PCNT: variants seen among roughly 807,000 people sequenced by gnomAD.
The protein encoded by PCNT is pericentrin.
A neutral mutation model predicts 380.4 loss-of-function variants in PCNT; 319 were observed. The observed-to-expected ratio is 0.84, with a 90% CI of 0.77 to 0.92. PCNT has a LOEUF of 0.92. Ranked by LOEUF, PCNT falls within the 40% of genes least tolerant of loss-of-function variation. PCNT has a pLI of 0.00. For missense variants in PCNT, 4,400 were observed against 4,255.3 expected, an observed-to-expected ratio of 1.03 and a Z score of -0.95; for synonymous variants, 1,845 against 1,735.2, an observed-to-expected ratio of 1.06 and a Z score of -1.57.
chr21:46,442,968 C>G (rs2053650834), intron 44 of PCNT: 1 of 315,056 alleles, frequency 3.2e-6, no homozygotes, highest in African/African-American at 2.2e-5. Flanking sequence ...TCTGCCGAGC[C>G]ATTGCCCCCT....
intron 42 of PCNT, 112 bp downstream of exon 42, chr21:46,440,314 A>G (rs1569311429): frequency 1.8e-6 from 2 of 1,127,420 alleles, no homozygotes; most frequent in African/African-American, 1.5e-5. Context: ...CGGGTGTAGC[A>G]GTCACATCAC....
chr21:46,325,507 G>A (rs1217279907), intron 1 of PCNT, among the ~76,000 whole-genome samples: 1 of 152,218 alleles, frequency 6.6e-6, no homozygotes, highest in Non-Finnish European at 1.5e-5. Flanking sequence ...TAAACGACAT[G>A]AGGTTGACTT....
Position 46,437,079 on chromosome 21 carries a change from C to T in PCNT, c.9097C>T (p.Gln3033Ter). 6.2e-7 allele frequency: 1 copy of T among 1,612,030 alleles called. No individual in the cohort carries two copies. Among genetic ancestry groups the T allele is most frequent in the Non-Finnish European group, 8.5e-7 (1 of 1,178,362 alleles). Residue 3033 changes from glutamine (Q) to a stop codon, truncating the protein, a stop_gained and splice_region_variant, in exon 40 of 47, where the codon CAG becomes TAG. Coordinates refer to ENST00000359568, the MANE Select transcript of PCNT (RefSeq NM_006031.6). LOFTEE classifies it high-confidence loss of function. ...TGACTTGAGCAGGCCCACCTCCTCCCAGGTAAGGGGTGAGCGCCCCCAGGT... is the reference window on the plus strand; with the variant it reads ...TGACTTGAGCAGGCCCACCTCCTCCTAGGTAAGGGGTGAGCGCCCCCAGGT... ...KSDLSRPTSS[Q>*]KKMAAELQFQ...
rs780350802 is a variant in PCNT, at chr21:46,412,014, G to A, written c.5941G>A (p.Asp1981Asn). ...TGGCGCCAAGGCCCAGGTCACCGGC[G>A]ACGTGGAGGCCTCCCATGATGCTGC... ...DGGAKAQVTG[D>N]VEASHDAALE... The change falls in exon 28 of 47, where the codon GAC (aspartate) becomes AAC (asparagine). Residue 1981 changes from aspartate to asparagine, a missense_variant. Physicochemically the swap from Asp to Asn is conservative, Grantham distance 23. Transcript: ENST00000359568. 7.5e-6 allele frequency: 12 copies of A among 1,607,574 alleles called. No individual in the cohort carries two copies. Among genetic ancestry groups the A allele is most frequent in the Admixed American group, 1.7e-5 (1 of 59,990 alleles).
At position 46,351,451 on chromosome 21, in the gene PCNT, A is replaced by G. The variant is rs373400283; in HGVS notation, c.1367A>G (p.Tyr456Cys). The change falls in exon 9 of 47, where the codon TAT becomes TGT. Residue 456 changes from tyrosine to cysteine, a missense_variant. Coordinates refer to ENST00000359568, the MANE Select transcript of PCNT (RefSeq NM_006031.6). ...QLELENLQAS[Y>C]EDLKAQSQEE... ...CAGTTAGAGAATCTTCAAGCATCAT[A>G]TGAAGACCTGAAGGCACAATCACAA... is the stretch of plus-strand genomic sequence containing the variant. The G allele has an allele frequency of 1.1e-5, 17 of 1,608,804 alleles. No individual in the cohort carries two copies. Among genetic ancestry groups the G allele is most frequent in the Non-Finnish European group, 1.4e-5 (16 of 1,175,290 alleles).
rs755059435 is a variant in PCNT, at chr21:46,326,551, G to T, written c.229G>T (p.Asp77Tyr). ...GDICKSTSCD[D>Y]TPDGAGGAFA... ...CATTTGCAAAAGCACATCATGTGAC[G>T]ACACCCCTGATGGGGCAGGAGGGGC... The change falls in exon 2 of 47, where the codon GAC becomes TAC. Residue 77 changes from aspartate (D) to tyrosine (Y), a missense_variant. Coordinates refer to ENST00000359568, the MANE Select transcript of PCNT (RefSeq NM_006031.6). The T allele has an allele frequency of 3.7e-6, 6 of 1,613,998 alleles. No individual in the cohort carries two copies. The highest frequency in any genetic ancestry group is 5.1e-6 in the Non-Finnish European group (6 of 1,180,006).
intron 12 of PCNT, among the ~76,000 whole-genome samples, chr21:46,355,861 G>A (rs1320686153): frequency 6.6e-6 from 1 of 152,194 alleles, no homozygotes; most frequent in Non-Finnish European, 1.5e-5. Flanking sequence ...CAGCAGGGCA[G>A]GTCTGACCTG....
rs181160389 is a variant in PCNT at position 46,369,383 on chromosome 21, C to T, written c.3165+2244C>T. ...GCCACTGCTCCCAGCTTGGGAGGTG[C>T]CTCTTGAGAGAAGCTGGAGCCATGT... On this transcript the variant is annotated intron_variant, in intron 15 of 46. Coordinates refer to ENST00000359568, the MANE Select transcript of PCNT (RefSeq NM_006031.6). Among the ~76,000 whole-genome samples, 9 of 152,304 alleles carry T rather than the reference C, an allele frequency of 5.9e-5. No homozygotes were observed. The East Asian group carries it at 1.7e-3, about 29-fold the overall frequency.
chr21:46,334,077 C>T (rs940202522), intron 2 of PCNT, among the ~76,000 whole-genome samples: 3 of 151,824 alleles, frequency 2.0e-5, no homozygotes, highest in African/African-American at 7.3e-5. Context: ...TGGTGGCGGG[C>T]ACCCATAGTC....
chr21:46,331,611 T>C (rs75245300), intron 2 of PCNT, among the ~76,000 whole-genome samples: 1,857 of 151,624 alleles, frequency 0.012, 32 homozygotes, highest in African/African-American at 0.043. Context: ...ATGAAAAATA[T>C]AAAAATTAGC....
chr21:46,441,050 C>G lies in PCNT; in HGVS notation c.9589C>G (p.Arg3197Gly), dbSNP rs752616743. Reference protein sequence around the residue: ...KITSRPFTRFRTAVRVVIAIL... With the variant: ...KITSRPFTRFGTAVRVVIAIL... ...CACATCTCGTCCTTTCACCAGGTTC[C>G]GCACGGCCGTCAGGGTGGTCATTGC... Residue 3197 changes from arginine to glycine, a missense_variant, in exon 43 of 47, where the codon CGC (arginine) becomes GGC (glycine). Transcript: ENST00000359568. The G allele has an allele frequency of 1.2e-6, 2 of 1,613,934 alleles. No homozygotes were observed. The highest frequency in any genetic ancestry group is 3.3e-5 in the Admixed American group (2 of 60,024).
chr21:46,408,302 C>T lies in PCNT; in HGVS notation c.5116-2887C>T, dbSNP rs779576256. Among the ~76,000 whole-genome samples, 20 of 152,280 alleles carry T rather than the reference C, an allele frequency of 1.3e-4. 1 individual carries two copies. The South Asian group carries it at 2.7e-3, about 21-fold the overall frequency. ...ACAGTTTGTTGATCCATTCACCCAT[C>T]GAGGGACATTTGGATAGTTTCTAGG... On this transcript the variant is annotated intron_variant, in intron 27 of 46. Coordinates refer to ENST00000359568, the MANE Select transcript of PCNT (RefSeq NM_006031.6).
chr21:46,344,052 ATCTTTTCTTT>A (rs771339613), intron 3 of PCNT, among the ~76,000 whole-genome samples: 1 of 147,436 alleles, frequency 6.8e-6, no homozygotes, highest in Non-Finnish European at 1.5e-5. Flanking sequence ...AGTTTTGTTT[ATCTTTTCTTT>A]TCTTTTCTTT....
rs1044777124 is a variant in PCNT at position 46,366,454 on chromosome 21, A to C, written c.2610-130A>C. On this transcript the variant is annotated intron_variant, in intron 14 of 46. Coordinates refer to ENST00000359568, the MANE Select transcript of PCNT (RefSeq NM_006031.6). Reference sequence around the variant, plus strand: ...TGGTCGAGGGAAAAGTAGTAAGAGCAGTTAAAATCCCGAAACGATGACCTG... The same window carrying C: ...TGGTCGAGGGAAAAGTAGTAAGAGCCGTTAAAATCCCGAAACGATGACCTG... 1.9e-5 allele frequency: 15 copies of C among 784,674 alleles called. No individual in the cohort carries two copies. The East Asian group carries it at 3.7e-4, about 19-fold the overall frequency. 48.6% of individuals were successfully genotyped at this position (784,674 alleles called of 1,614,324 possible).
In PCNT at chr21:46,424,720, C is replaced by CCA. The variant is rs1555995693; in HGVS notation, c.7180-1110_7180-1109insAC. On this transcript the variant is annotated intron_variant, in intron 32 of 46. Coordinates refer to ENST00000359568, the MANE Select transcript of PCNT (RefSeq NM_006031.6). ...CCGGCCCTGCTCCCACTGCGCCCCC[C>CCA]CCAACCCTGCTCCCCCAGCCACGGC... Among the ~76,000 whole-genome samples the CCA allele has an allele frequency of 8.5e-4, 124 of 146,638 alleles. 1 individual carries two copies. The highest frequency in any genetic ancestry group is 3.4e-3 in the Middle Eastern group (1 of 290).
rs147670568 is a variant in PCNT at position 46,422,063 on chromosome 21, G to A, written c.7118G>A (p.Gly2373Glu). Residue 2373 changes from glycine (G) to glutamate (E), a missense_variant, in exon 32 of 47, where the codon GGA becomes GAA. Gly to Glu is a moderately conservative substitution (Grantham distance 98, BLOSUM62 -2). Transcript: ENST00000359568. ...CCTGTGACCCCTGCTTCCATCTCTG[G>A]AAGGTTTCAGCCGCTGCCGGAAGCC... ...AGPVTPASIS[G>E]RFQPLPEAMK... 473 of 1,613,976 alleles carry A rather than the reference G, an allele frequency of 2.9e-4. 4 individuals are homozygous for A. Among genetic ancestry groups the A allele is most frequent in the Middle Eastern group, 2.1e-3 (13 of 6,062 alleles).
Position 46,399,586 on chromosome 21 carries a change from T to C in PCNT, c.4585-4T>C, listed in dbSNP as rs771304043. The C allele has an allele frequency of 6.2e-7, 1 of 1,604,158 alleles. No individual in the cohort carries two copies. On this transcript the variant is annotated splice_region_variant and splice_polypyrimidine_tract_variant and intron_variant, in intron 24 of 46. Transcript: ENST00000359568. ...TATTCCTCAAGCATTTTTTGTTGTTTTAGGTTGAGTTGTTACAACAAAAGT... is the reference window on the plus strand; with the variant it reads ...TATTCCTCAAGCATTTTTTGTTGTTCTAGGTTGAGTTGTTACAACAAAAGT...
chr21:46,330,374 C>T (rs2083518868), intron 2 of PCNT, among the ~76,000 whole-genome samples: 1 of 152,138 alleles, frequency 6.6e-6, no homozygotes, highest in African/African-American at 2.4e-5. Context: ...CCACCTCGGC[C>T]TCCCAAAGTG....
At chr21:46,385,094 C>T (rs973338982) in intron 16 of PCNT, among the ~76,000 whole-genome samples, 6 of 152,218 alleles carry the variant, frequency 3.9e-5, no homozygotes, top group Non-Finnish European at 7.3e-5. Flanking sequence ...ATGGCTCACA[C>T]CTTTAATCCC....
Sources: allele counts gnomAD v4.1 joint callset (sites outside exome capture counted in the v4.1 genomes callset), GRCh38; gene constraint gnomAD v4.1.1; transcripts MANE v1.5; gene names NCBI Gene and HGNC (gene_info 2026-07-23, HGNC 2026-07-21).